The following FOXP1 variants were observed in gnomAD, a reference collection of about 807,000 sequenced individuals.
FOXP1 encodes the protein forkhead box protein P1.
Under a neutral mutation model 98.2 loss-of-function variants are expected in FOXP1, and 15 were observed. The ratio of observed to expected loss-of-function variants is 0.15; its 90% CI spans 0.10 to 0.24. The LOEUF (loss-of-function observed/expected upper bound fraction) is 0.24, where lower values mean the gene tolerates loss of function less well. FOXP1 is among the 10% of genes least tolerant of loss of function. FOXP1 has a pLI of 1.00. For synonymous variants in FOXP1, 371 were observed against 314.5 expected (o/e 1.18, Z -1.90); for missense variants, 633 against 848.5 (o/e 0.75, Z 3.15).
chr3:71,535,402 T>C (rs1002814538), intron 2 of FOXP1, among the ~76,000 whole-genome samples: 1 of 152,132 alleles, frequency 6.6e-6, no homozygotes, highest in Non-Finnish European at 1.5e-5. Flanking sequence ...AGCAGAGATA[T>C]GCAGCGAGAA....
chr3:71,507,003 G>C (rs1200091564), intron 2 of FOXP1, among the ~76,000 whole-genome samples: 1 of 152,158 alleles, frequency 6.6e-6, no homozygotes, highest in Non-Finnish European at 1.5e-5. Flanking sequence ...CCACACCTGA[G>C]AGCTGCTGTT....
intron 18 of FOXP1, chr3:70,972,330 C>A: frequency 1.1e-6 from 1 of 885,250 alleles, no homozygotes; most frequent in Non-Finnish European, 1.7e-6. Flanking sequence ...ATATGCATTG[C>A]CACCTAAAAG....
At chr3:71,559,237 T>C (rs2046368259) in intron 2 of FOXP1, among the ~76,000 whole-genome samples, 1 of 152,238 alleles carries the variant, frequency 6.6e-6, no homozygotes, top group Non-Finnish European at 1.5e-5. Context: ...ACCCCCACTC[T>C]GAACTGCCAG....
At chr3:71,505,893 C>A (rs2041789168) in intron 2 of FOXP1, among the ~76,000 whole-genome samples, 2 of 152,228 alleles carry the variant, frequency 1.3e-5, no homozygotes, top group African/African-American at 4.8e-5. Flanking sequence ...CGCCCGGAAG[C>A]CTCTCAAATG....
chr3:71,340,897 A>C (rs1344403997), intron 4 of FOXP1, among the ~76,000 whole-genome samples: 1 of 152,222 alleles, frequency 6.6e-6, no homozygotes, highest in East Asian at 1.9e-4. Context: ...GAGAGTGGGT[A>C]ACATAAGAAG....
chr3:71,369,594 C>G (rs1266026166), intron 3 of FOXP1, among the ~76,000 whole-genome samples: 1 of 152,070 alleles, frequency 6.6e-6, no homozygotes, highest in Non-Finnish European at 1.5e-5. Flanking sequence ...GGGGTTTCAC[C>G]ATGTTGGTCA....
intron 14 of FOXP1, among the ~76,000 whole-genome samples, chr3:70,985,712 C>T (rs1294097810): frequency 5.3e-5 from 8 of 151,398 alleles, no homozygotes; most frequent in Admixed American, 3.3e-4. Flanking sequence ...AAGGGTAATA[C>T]AACAGTACAT....
intron 5 of FOXP1, among the ~76,000 whole-genome samples, chr3:71,291,712 A>ATTT (rs11438381): frequency 2.5e-4 from 31 of 125,196 alleles, no homozygotes; most frequent in African/African-American, 3.3e-4. Context: ...CTTATTCTGT[A>ATTT]TTTTTTTTTT....
At chr3:71,232,877 C>CAAAAAAAAAAAAA (rs59404230) in intron 5 of FOXP1, among the ~76,000 whole-genome samples, 454 of 31,270 alleles carry the variant, frequency 0.015, 69 homozygotes, top group South Asian at 0.028. Context: ...AACTCTGTCT[C>CAAAAAAAAAAAAA]AAAAAAAAAA....
chr3:71,471,175 C>G (rs2089305273), intron 3 of FOXP1, among the ~76,000 whole-genome samples: 1 of 152,184 alleles, frequency 6.6e-6, no homozygotes, highest in Non-Finnish European at 1.5e-5. Context: ...ATGGTCTGTG[C>G]TCTTATGAGG....
chr3:71,240,792 G>T (rs1188422482), intron 5 of FOXP1, among the ~76,000 whole-genome samples: 2 of 151,284 alleles, frequency 1.3e-5, no homozygotes, highest in Non-Finnish European at 3.0e-5. Context: ...TGATCTGCCC[G>T]CCCTGGCCTC....
intron 11 of FOXP1, among the ~76,000 whole-genome samples, chr3:71,038,750 A>G (rs1212886864): frequency 6.6e-6 from 1 of 151,604 alleles, no homozygotes; most frequent in Non-Finnish European, 1.5e-5. Flanking sequence ...TGCAGCCTCA[A>G]ACTCTTGGGC....
intron 3 of FOXP1, among the ~76,000 whole-genome samples, chr3:71,417,348 T>C (rs2083294648): frequency 6.6e-6 from 1 of 152,200 alleles, no homozygotes; most frequent in Non-Finnish European, 1.5e-5. Context: ...CTTCCAATTA[T>C]CTCTGTATTT....
intron 5 of FOXP1, among the ~76,000 whole-genome samples, chr3:71,213,992 T>G (rs12490087): frequency 6.6e-6 from 1 of 152,122 alleles, no homozygotes; most frequent in Non-Finnish European, 1.5e-5. Context: ...AAAGAATCAG[T>G]CGGCCTAAAA....
At chr3:71,502,980 G>GAAAAAAAAAA (rs3037713) in intron 2 of FOXP1, among the ~76,000 whole-genome samples, 1 of 141,496 alleles carries the variant, frequency 7.1e-6, no homozygotes. Flanking sequence ...TTTACAATTA[G>GAAAAAAAAAA]AAAAAAAAAA....
At chr3:71,352,787 T>C (rs537167982) in intron 4 of FOXP1, among the ~76,000 whole-genome samples, 1 of 152,308 alleles carries the variant, frequency 6.6e-6, no homozygotes, top group South Asian at 2.1e-4. Flanking sequence ...TAGGGTTAGA[T>C]TTTTCATGAG....
intron 14 of FOXP1, among the ~76,000 whole-genome samples, chr3:70,981,631 T>C (rs1215225047): frequency 6.6e-6 from 1 of 152,194 alleles, no homozygotes; most frequent in Non-Finnish European, 1.5e-5. Flanking sequence ...ATGATGGCTA[T>C]GAGGTAAACT....
chr3:71,257,190 T>A (rs1181843774), intron 5 of FOXP1, among the ~76,000 whole-genome samples: 1 of 152,204 alleles, frequency 6.6e-6, no homozygotes, highest in Non-Finnish European at 1.5e-5. Flanking sequence ...AAAATTTGGC[T>A]AACAGTCACT....
chr3:71,456,808 GTT>G (rs34335003), intron 3 of FOXP1, among the ~76,000 whole-genome samples: 55 of 146,786 alleles, frequency 3.7e-4, no homozygotes, highest in South Asian at 2.8e-3. Flanking sequence ...GTTATTGGTA[GTT>G]TTTTTTTTTT....
Sources: allele counts gnomAD v4.1 joint callset (sites outside exome capture counted in the v4.1 genomes callset), GRCh38; gene constraint gnomAD v4.1.1; transcripts MANE v1.5; gene names NCBI Gene and HGNC (gene_info 2026-07-23, HGNC 2026-07-21).